FURIN: variants seen among roughly 807,000 people sequenced by gnomAD.
The protein encoded by FURIN is FES upstream region.
A neutral mutation model predicts 89.2 loss-of-function variants in FURIN; 18 were observed. The ratio of observed to expected loss-of-function variants is 0.20; its 90% CI spans 0.14 to 0.30. FURIN has a LOEUF of 0.30. Among genes scored for constraint, FURIN ranks in the 10% least tolerant of loss-of-function variants. The pLI is 1.00. For missense variants in FURIN, 879 were observed against 1,100.5 expected (o/e 0.80, Z 2.85); for synonymous variants, 508 against 466.4 (o/e 1.09, Z -1.15).
At position 90,877,094 on chromosome 15, in the gene FURIN, T is replaced by G. The variant is rs1447996134; in HGVS notation, c.502-41T>G. 3.1e-6 allele frequency: 5 copies of G among 1,609,152 alleles called. No homozygotes were observed. The African/African-American group carries it at 4.0e-5, about 13-fold the overall frequency. ...TCTAGAGGCTGTCTTGTTCTATCAG[T>G]GAGGTCAGCCTTCTCCTGATGGTGG... On this transcript the variant is annotated intron_variant, in intron 5 of 15. Coordinates refer to ENST00000268171, the MANE Select transcript of FURIN (RefSeq NM_002569.4).
intron 1 of FURIN, among the ~76,000 whole-genome samples, chr15:90,870,313 TCA>T (rs1017105972): frequency 5.9e-5 from 9 of 152,186 alleles, no homozygotes; most frequent in African/African-American, 1.4e-4. Context: ...TCTCTGGGCC[TCA>T]GTTTCCTCCT....
Position 90,875,702 on chromosome 15 carries a change from G to T in FURIN, c.-39G>T, listed in dbSNP as rs1468457831. The T allele has an allele frequency of 6.7e-7, 1 of 1,493,690 alleles. No individual in the cohort carries two copies. Among genetic ancestry groups the T allele is most frequent in the East Asian group, 2.5e-5 (1 of 40,302 alleles). The allele number at this position is 1,493,690 out of a possible 1,614,324, so 92.5% of individuals were successfully genotyped here. A position where few individuals can be genotyped will look rare whatever the true frequency, so the allele number is the denominator to read the frequency against. On this transcript the variant is annotated 5_prime_UTR_variant, in exon 2 of 16. Transcript: ENST00000268171. ...GCCGAGGCCCTGTGACCAGGCCAAG[G>T]AGACGGGCGCTCCAGGGTCCCAGCC...
rs774140565 is a variant in FURIN, at chr15:90,877,910, G to A, written c.668-222G>A. On this transcript the variant is annotated intron_variant, in intron 7 of 15. Coordinates refer to ENST00000268171, the MANE Select transcript of FURIN (RefSeq NM_002569.4). The stretch of plus-strand genomic sequence containing the variant: ...CCAGAGACTCTTTCTAGTCCTGAAT[G>A]TGTGGTTGGGGGCAGGAGGTGTTCT... Among the ~76,000 whole-genome samples, 26 of 152,358 alleles carry A rather than the reference G, an allele frequency of 1.7e-4. 1 individual carries two copies. The Middle Eastern group carries it at 0.024, about 140-fold the overall frequency.
intron 9 of FURIN, 103 bp from the exon 10 acceptor site, chr15:90,879,341 C>T: frequency 1.1e-6 from 1 of 870,688 alleles, no homozygotes; most frequent in Non-Finnish European, 1.9e-6. Context: ...CTCCCCATAC[C>T]ATCTGTGGTG....
Position 90,881,080 on chromosome 15 carries a change from TG to T in FURIN, c.1792+45del. ...CTGTTGGGCTTTGGGGGCCTGAGTC[TG>T]GGGGTAAGGCGGGTGCCTGTCCTGA... On this transcript the variant is annotated intron_variant, in intron 15 of 15. Transcript: ENST00000268171. The surrounding 1 kb of genome is among the most constrained non-coding windows in gnomAD (Gnocchi z 4.3). 1 of 1,460,486 alleles carries T rather than the reference TG, an allele frequency of 6.8e-7. No individual in the cohort carries two copies. The highest frequency in any genetic ancestry group is 9.6e-7 in the Non-Finnish European group (1 of 1,039,890). The allele number at this position is 1,460,486 out of a possible 1,614,324, so 90.5% of individuals were successfully genotyped here. A position where few individuals can be genotyped will look rare whatever the true frequency, so the allele number is the denominator to read the frequency against.
intron 1 of FURIN, among the ~76,000 whole-genome samples, chr15:90,871,982 C>T (rs1432759952): frequency 6.6e-6 from 1 of 151,396 alleles, no homozygotes; most frequent in Non-Finnish European, 1.5e-5. Flanking sequence ...GCCTGCGGGG[C>T]CCCTGCTGGG....
In FURIN at chr15:90,875,586, G is replaced by T; in HGVS notation, c.-155G>T. The stretch of plus-strand genomic sequence containing the variant: ...TTCCCCTCTTGTTCCTCTCAGGGTC[G>T]GCACTCTTCACCCTCCCGAGCCCTG... On this transcript the variant is annotated 5_prime_UTR_variant, in exon 2 of 16. Transcript: ENST00000268171. The T allele has an allele frequency of 1.7e-6, 1 of 594,692 alleles. No individual in the cohort carries two copies. Among genetic ancestry groups the T allele is most frequent in the Non-Finnish European group, 2.9e-6 (1 of 345,288 alleles). The allele number at this position is 594,692 out of a possible 1,614,324, so 36.8% of individuals were successfully genotyped here.
chr15:90,881,484 G>A lies in FURIN; in HGVS notation c.1991G>A (p.Ser664Asn). 1.9e-6 allele frequency: 3 copies of A among 1,612,082 alleles called. No individual in the cohort carries two copies. The highest frequency in any genetic ancestry group is 2.5e-6 in the Non-Finnish European group (3 of 1,179,764). ...CTGACAGACTGCCTCAGCTGCCCCA[G>A]CCACGCCTCCTTGGACCCTGTGGAG... ...PALTDCLSCP[S>N]HASLDPVEQT... Residue 664 changes from serine (S) to asparagine (N), a missense_variant, in exon 16 of 16, where the codon AGC becomes AAC. Coordinates refer to ENST00000268171, the MANE Select transcript of FURIN (RefSeq NM_002569.4). This position sits in a 1 kb window ranked among gnomAD's most constrained non-coding sequence, Gnocchi z 4.3.
chr15:90,881,645 G>A lies in FURIN; in HGVS notation c.2152G>A (p.Ala718Thr). The A allele has an allele frequency of 6.3e-7, 1 of 1,586,448 alleles. No individual in the cohort carries two copies. The highest frequency in any genetic ancestry group is 8.6e-7 in the Non-Finnish European group (1 of 1,163,850). Residue 718 changes from alanine to threonine, a missense_variant, in exon 16 of 16, where the codon GCC becomes ACC. Transcript: ENST00000268171. The surrounding 1 kb of genome is among the most constrained non-coding windows in gnomAD (Gnocchi z 4.3). ...GCCCTCACACCTGCCTGAGGTGGTG[G>A]CCGGCCTCAGCTGCGCCTTCATCGT... is the stretch of plus-strand genomic sequence containing the variant. ...LLPSHLPEVV[A>T]GLSCAFIVLV...
chr15:90,881,989 G>A lies in FURIN; in HGVS notation c.*111G>A, dbSNP rs568809718. 1 of 801,444 alleles carries A rather than the reference G, an allele frequency of 1.2e-6. No individual in the cohort carries two copies. Among genetic ancestry groups the A allele is most frequent in the African/African-American group, 1.7e-5 (1 of 57,580 alleles). 49.6% of individuals were successfully genotyped at this position (801,444 alleles called of 1,614,324 possible). A position where few individuals can be genotyped will look rare whatever the true frequency, so the allele number is the denominator to read the frequency against. On this transcript the variant is annotated 3_prime_UTR_variant, in exon 16 of 16. Coordinates refer to ENST00000268171, the MANE Select transcript of FURIN (RefSeq NM_002569.4). This position sits in a 1 kb window ranked among gnomAD's most constrained non-coding sequence, Gnocchi z 4.3. The stretch of plus-strand genomic sequence containing the variant: ...TTTGGACCCCAGCTGGGAGGCAAGA[G>A]GGGTGGAGACTGCTTCCCATCCTAC...
Position 90,878,111 on chromosome 15 carries a change from G to A in FURIN, c.668-21G>A, listed in dbSNP as rs201898278. The stretch of plus-strand genomic sequence containing the variant: ...CTGGACCCATGCAGCATCCCTCTTC[G>A]TGCCCCCCCTTCACGGCCAGGGGTG... On this transcript the variant is annotated intron_variant, in intron 7 of 15. Transcript: ENST00000268171. 6.6e-5 allele frequency: 106 copies of A among 1,612,958 alleles called. No homozygotes were observed. In the Middle Eastern group the frequency reaches 3.1e-3, roughly 47 times the overall value.
At position 90,876,364 on chromosome 15, in the gene FURIN, C is replaced by T. The variant is rs369841105; in HGVS notation, c.276+11C>T. The T allele has an allele frequency of 1.2e-3, 1,849 of 1,586,572 alleles. 1 individual carries two copies. Among genetic ancestry groups the T allele is most frequent in the Non-Finnish European group, 1.5e-3 (1,754 of 1,155,250 alleles). ...CAGAGGGAGCCTCAAGTGAGTGTGG[C>T]CCCAGCCCCCTCCTGCTGCCACCCT... On this transcript the variant is annotated intron_variant, in intron 3 of 15. Coordinates refer to ENST00000268171, the MANE Select transcript of FURIN (RefSeq NM_002569.4). This position sits in a 1 kb window ranked among gnomAD's most constrained non-coding sequence, Gnocchi z 5.0.
intron 1 of FURIN, among the ~76,000 whole-genome samples, chr15:90,871,839 C>T (rs1162141065): frequency 2.7e-5 from 4 of 150,312 alleles, no homozygotes; most frequent in East Asian, 2.0e-4. Flanking sequence ...GGGCCGGCCC[C>T]GAGGGTGGAG....
rs200743986 is a variant in FURIN at position 90,876,429 on chromosome 15, C to T, written c.277-33C>T. On this transcript the variant is annotated intron_variant, in intron 3 of 15. Transcript: ENST00000268171. The surrounding 1 kb of genome is among the most constrained non-coding windows in gnomAD (Gnocchi z 5.0). ...CAGGAGCCCCTCTCGCCTCCTGCTC[C>T]ACCCACACCATCTCTCCCTCACTCC... 2 of 1,567,466 alleles carry T rather than the reference C, an allele frequency of 1.3e-6. No individual in the cohort carries two copies. The highest frequency in any genetic ancestry group is 2.2e-5 in the East Asian group (1 of 44,592).
rs771268323 is a variant in FURIN at position 90,881,689 on chromosome 15, C to A, written c.2196C>A (p.Val732=). The part of the protein sequence containing the change: ...CAFIVLVFVT[V]FLVLQLRSGF... ...TCATCGTGCTGGTCTTCGTCACTGT[C>A]TTCCTGGTCCTGCAGCTGCGCTCTG... Residue 732 remains valine (V), a synonymous_variant, in exon 16 of 16, where the codon GTC becomes GTA. Transcript: ENST00000268171. This position sits in a 1 kb window ranked among gnomAD's most constrained non-coding sequence, Gnocchi z 4.3. The A allele has an allele frequency of 6.5e-5, 104 of 1,588,788 alleles. No individual in the cohort carries two copies. Among genetic ancestry groups the A allele is most frequent in the Admixed American group, 3.1e-4 (18 of 57,534 alleles).
At position 90,880,198 on chromosome 15, in the gene FURIN, C is replaced by A; in HGVS notation, c.1481C>A (p.Ser494Tyr). 6.2e-7 allele frequency: 1 copy of A among 1,612,770 alleles called. No individual in the cohort carries two copies. Among genetic ancestry groups the A allele is most frequent in the East Asian group, 2.2e-5 (1 of 44,862 alleles). ...CACGCTCAGGCGCGGCTCACCCTGT[C>A]CTATAATCGCCGTGGCGACCTGGCC... is the stretch of plus-strand genomic sequence containing the variant. ...LEHAQARLTL[S>Y]YNRRGDLAIH... The change falls in exon 13 of 16, where the codon TCC (serine) becomes TAC (tyrosine). Residue 494 changes from serine to tyrosine, a missense_variant. Ser to Tyr is a moderately radical substitution (Grantham distance 144). Coordinates refer to ENST00000268171, the MANE Select transcript of FURIN (RefSeq NM_002569.4).
chr15:90,874,556 A>G (rs900083433), intron 1 of FURIN, among the ~76,000 whole-genome samples: 1 of 152,172 alleles, frequency 6.6e-6, no homozygotes, highest in African/African-American at 2.4e-5. Context: ...TGGCCCCTAA[A>G]AGCACCATCC....
intron 1 of FURIN, among the ~76,000 whole-genome samples, chr15:90,870,933 C>T (rs2031254528): frequency 6.6e-6 from 1 of 152,160 alleles, no homozygotes. Context: ...TGGCCTGGTG[C>T]CTGGCAAGCG....
rs28503688 is a variant in FURIN, at chr15:90,876,174, A to C, written c.178-81A>C. On this transcript the variant is annotated intron_variant, in intron 2 of 15. Coordinates refer to ENST00000268171, the MANE Select transcript of FURIN (RefSeq NM_002569.4). This position sits in a 1 kb window ranked among gnomAD's most constrained non-coding sequence, Gnocchi z 5.0. ...CCCCGACCGTGGCGAGCCTCCCATG[A>C]AGCCGTTGTCCACCCCCGTCCCCCG... The C allele has an allele frequency of 3.2e-4, 315 of 990,626 alleles. No individual in the cohort carries two copies. In the African/African-American group the frequency reaches 5.0e-3, roughly 16 times the overall value. 61.4% of individuals were successfully genotyped at this position (990,626 alleles called of 1,614,324 possible).
Sources: allele counts gnomAD v4.1 joint callset (sites outside exome capture counted in the v4.1 genomes callset), GRCh38; gene constraint gnomAD v4.1.1; non-coding constraint Gnocchi (gnomAD v3.1); transcripts MANE v1.5; gene names NCBI Gene and HGNC (gene_info 2026-07-23, HGNC 2026-07-21).